The following ZNF362 variants were observed in gnomAD, a reference collection of about 807,000 sequenced individuals.
The protein encoded by ZNF362 is zinc finger protein 362.
Under a neutral mutation model 42.9 loss-of-function variants are expected in ZNF362, and 11 were observed. That is an observed-to-expected ratio of 0.26 (90% CI 0.16 to 0.42). ZNF362 has a LOEUF of 0.42. ZNF362 is among the 20% of genes least tolerant of loss of function. ZNF362 has a pLI of 1.00. For missense variants in ZNF362, 362 were observed against 576.2 expected (o/e 0.63, Z 3.81); for synonymous variants, 255 against 257.3 (o/e 0.99, Z 0.09).
At chr1:33,262,297 C>CTTTTTTTTTTTTTTTTTTTTTTTTT (rs55730909) in intron 1 of ZNF362, among the ~76,000 whole-genome samples, 1 of 48,132 alleles carries the variant, frequency 2.1e-5, no homozygotes, top group Non-Finnish European at 3.6e-5. Flanking sequence ...CTTTAGGATT[C>CTTTTTTTTTTTTTTTTTTTTTTTTT]TTTTTTTTTT....
the ZNF362 span, among the ~76,000 whole-genome samples, chr1:33,136,530 A>G: frequency 6.6e-6 from 1 of 151,540 alleles, no homozygotes; most frequent in East Asian, 2.0e-4. Flanking sequence ...CACCACACCT[A>G]GCTAATTTTT....
At chr1:33,295,328 C>T (rs1176514012) in intron 8 of ZNF362, 23 bp downstream of exon 8, 1 of 1,609,730 alleles carries the variant, frequency 6.2e-7, no homozygotes, top group Non-Finnish European at 8.5e-7. Context: ...CGGCCTGTGC[C>T]CTGCCCCGGG....
Position 33,280,026 on chromosome 1 carries a change from A to C in ZNF362, c.350-98A>C, listed in dbSNP as rs184349073. ...CCTGGGTAATAACTTATGAACGTTA[A>C]GGGGATGCTCGCCTGCCAAAATCAC... On this transcript the variant is annotated intron_variant, in intron 4 of 8. Coordinates refer to ENST00000539719, the MANE Select transcript of ZNF362 (RefSeq NM_152493.3). This position sits in a 1 kb window ranked among gnomAD's most constrained non-coding sequence, Gnocchi z 5.6. 1.3e-4 allele frequency: 181 copies of C among 1,410,162 alleles called. No homozygotes were observed. The African/African-American group carries it at 2.4e-3, about 19-fold the overall frequency. The allele number at this position is 1,410,162 out of a possible 1,614,324, so 87.4% of individuals were successfully genotyped here. A position where few individuals can be genotyped will look rare whatever the true frequency, so the allele number is the denominator to read the frequency against.
chr1:33,193,004 C>CACACACACACACAT, the ZNF362 span, among the ~76,000 whole-genome samples: 1 of 137,196 alleles, frequency 7.3e-6, no homozygotes, highest in Non-Finnish European at 1.6e-5. Flanking sequence ...CACACACACA[C>CACACACACACACAT]ATATATATAT....
chr1:33,282,813 ACT>A (rs1424971025), intron 6 of ZNF362, among the ~76,000 whole-genome samples: 7 of 140,144 alleles, frequency 5.0e-5, no homozygotes, highest in Admixed American at 1.5e-4. Context: ...CAAGAGTGAA[ACT>A]CTGTCTCAAG....
At chr1:33,159,692 C>T in the ZNF362 span, 40 of 1,606,534 alleles carry the variant, frequency 2.5e-5, no homozygotes, top group East Asian at 4.5e-5. This position sits in a 1 kb window ranked among gnomAD's most constrained non-coding sequence, Gnocchi z 4.2. Context: ...ACTTACCGCT[C>T]GGACAGTGAG....
chr1:33,147,428 C>T, the ZNF362 span: 8 of 1,614,010 alleles, frequency 5.0e-6, no homozygotes, highest in African/African-American at 1.3e-5. The surrounding 1 kb of genome is among the most constrained non-coding windows in gnomAD (Gnocchi z 8.1). Flanking sequence ...TGGTTGCCAT[C>T]GTGCATCACG....
At position 33,270,521 on chromosome 1, in the gene ZNF362, G is replaced by C; in HGVS notation, c.-54G>C. On this transcript the variant is annotated 5_prime_UTR_variant, in exon 2 of 9. Coordinates refer to ENST00000539719, the MANE Select transcript of ZNF362 (RefSeq NM_152493.3). ...GGAACACAGAGGAAGTGACTGGCTG[G>C]GGGTTCAGGGAAAGCTCCGTAGAAG... 1 of 1,084,220 alleles carries C rather than the reference G, an allele frequency of 9.2e-7. No individual in the cohort carries two copies. The highest frequency in any genetic ancestry group is 1.8e-5 in the Admixed American group (1 of 55,992). The allele number at this position is 1,084,220 out of a possible 1,614,324, so 67.2% of individuals were successfully genotyped here.
chr1:33,182,777 C>T, the ZNF362 span, among the ~76,000 whole-genome samples: 2 of 150,890 alleles, frequency 1.3e-5, no homozygotes, highest in Admixed American at 6.6e-5. Context: ...AAGGGGAGGG[C>T]GCAGTGAAGG....
At chr1:33,229,108 T>TG in the ZNF362 span, among the ~76,000 whole-genome samples, 2 of 150,858 alleles carry the variant, frequency 1.3e-5, no homozygotes, top group Admixed American at 6.6e-5. Flanking sequence ...TCAGGAAGGT[T>TG]GGGGGTGGGG....
chr1:33,203,141 C>T, the ZNF362 span, among the ~76,000 whole-genome samples: 1 of 152,178 alleles, frequency 6.6e-6, no homozygotes, highest in African/African-American at 2.4e-5. Context: ...TCCCTATTTA[C>T]TCCTTCCCAT....
chr1:33,189,426 C>T, the ZNF362 span, among the ~76,000 whole-genome samples: 385 of 151,678 alleles, frequency 2.5e-3, 2 homozygotes, highest in Admixed American at 0.012. Context: ...TGCACATACT[C>T]GACTATACAG....
chr1:33,204,657 G>C, the ZNF362 span, among the ~76,000 whole-genome samples: 56 of 152,220 alleles, frequency 3.7e-4, no homozygotes, highest in Admixed American at 9.8e-4. Flanking sequence ...TGGCATTTAT[G>C]AAAAACCTAC....
At chr1:33,282,214 CTT>C (rs941849449) in intron 6 of ZNF362, among the ~76,000 whole-genome samples, 1 of 152,214 alleles carries the variant, frequency 6.6e-6, no homozygotes, top group African/African-American at 2.4e-5. Context: ...GCCCGTGTCT[CTT>C]TATCTGCCCA....
chr1:33,232,193 T>A, the ZNF362 span, among the ~76,000 whole-genome samples: 1 of 152,312 alleles, frequency 6.6e-6, no homozygotes, highest in African/African-American at 2.4e-5. Flanking sequence ...TACTGGTCAA[T>A]GGGACCTAAG....
At chr1:33,270,732 C>T (rs1645896571) in intron 2 of ZNF362, 120 bp downstream of exon 2, 9 of 1,507,154 alleles carry the variant, frequency 6.0e-6, no homozygotes, top group South Asian at 2.7e-5. Context: ...CTGGGTCTGC[C>T]CTGGGGGAGG....
chr1:33,258,428 G>A (rs1645808231), intron 1 of ZNF362, among the ~76,000 whole-genome samples: 1 of 152,200 alleles, frequency 6.6e-6, no homozygotes, highest in South Asian at 2.1e-4. Flanking sequence ...GCTCCCAGAA[G>A]CCAGAGTCGG....
chr1:33,262,497 T>G (rs879622539), intron 1 of ZNF362, among the ~76,000 whole-genome samples: 3 of 151,808 alleles, frequency 2.0e-5, no homozygotes, highest in Non-Finnish European at 4.4e-5. Context: ...TTAGTAGAGA[T>G]GGGGTTTCAC....
At chr1:33,140,036 A>G in the ZNF362 span, among the ~76,000 whole-genome samples, 1 of 152,138 alleles carries the variant, frequency 6.6e-6, no homozygotes, top group Non-Finnish European at 1.5e-5. The surrounding 1 kb of genome is among the most constrained non-coding windows in gnomAD (Gnocchi z 4.0). Context: ...CCGGAGGGTA[A>G]ATTTTGATGG....
Sources: gnomAD v4.1 joint callset for allele counts (sites outside exome capture counted in the v4.1 genomes callset) on GRCh38, gnomAD v4.1.1 for gene constraint, Gnocchi (gnomAD v3.1) non-coding constraint, MANE v1.5 for transcripts, NCBI Gene and HGNC (gene_info 2026-07-23, HGNC 2026-07-21) for gene names.